TRAF6: variants seen among roughly 807,000 people sequenced by gnomAD.
TRAF6 encodes TNF receptor associated factor 6, also known as TNF receptor-associated factor 6.
Under a neutral mutation model 48.4 loss-of-function variants are expected in TRAF6, and 10 were observed. The ratio of observed to expected loss-of-function variants is 0.21; its 90% confidence interval spans 0.13 to 0.35. The LOEUF is 0.35. Ranked by LOEUF, TRAF6 falls within the 10% of genes least tolerant of loss-of-function variation. The pLI, the probability that TRAF6 is intolerant of heterozygous loss-of-function variation, is 1.00. For missense variants in TRAF6, 397 were observed against 661.0 expected, an observed-to-expected ratio of 0.60 and a Z score of 4.38; for synonymous variants, 186 against 219.6, an observed-to-expected ratio of 0.85 and a Z score of 1.35.
intron 4 of TRAF6, among the ~76,000 whole-genome samples, chr11:36,496,876 T>C (rs567927701): frequency 2.0e-5 from 3 of 152,302 alleles, no homozygotes; most frequent in Admixed American, 2.0e-4. Context: ...TCTACAATAG[T>C]GATAACTAGT....
chr11:36,492,505 T>C, intron 6 of TRAF6, 46 bp downstream of exon 6: 1 of 1,299,254 alleles, frequency 7.7e-7, no homozygotes, highest in South Asian at 1.3e-5. Flanking sequence ...GATGTAAATA[T>C]TTTTTTTTAC....
rs1590642478 is a variant in TRAF6, at chr11:36,501,364, T to C, written c.152A>G (p.Glu51Gly). The C allele has an allele frequency of 1.2e-6, 2 of 1,614,166 alleles. No homozygotes were observed. Among genetic ancestry groups the C allele is most frequent in the Non-Finnish European group, 1.7e-6 (2 of 1,180,038 alleles). ...STGNLSSSFM[E>G]EIQGYDVEFD... ...CTCTACATCATATCCCTGGATCTCC[T>C]CCATAAATGAGCTGGAGAGGTTCCC... Residue 51 changes from glutamate to glycine, a missense_variant, in exon 2 of 7, where the codon GAG becomes GGG. Physicochemically the swap from Glu to Gly is moderately conservative, Grantham distance 98 (BLOSUM62 -2). Coordinates refer to ENST00000526995, the MANE Select transcript of TRAF6 (RefSeq NM_004620.4).
rs60421155 is a variant in TRAF6 at position 36,491,895 on chromosome 11, T to TTA, written c.756+655_756+656insTA. On this transcript the variant is annotated intron_variant, in intron 6 of 6. Coordinates refer to ENST00000526995, the MANE Select transcript of TRAF6 (RefSeq NM_004620.4). ...CCTAGCTGGGTGAAGTCATTATCTG[T>TTA]AATTCAATACATTAAAACAGATTTT... Among the ~76,000 whole-genome samples, 707 of 152,356 alleles carry TTA rather than the reference T, an allele frequency of 4.6e-3. 3 individuals are homozygous for TTA. Among genetic ancestry groups the TTA allele is most frequent in the African/African-American group, 0.015 (644 of 41,580 alleles).
At chr11:36,503,674 T>C (rs1245750278) in intron 1 of TRAF6, among the ~76,000 whole-genome samples, 1 of 152,266 alleles carries the variant, frequency 6.6e-6, no homozygotes, top group East Asian at 1.9e-4. Context: ...GGAAGGTTCA[T>C]ACAGATTGAA....
intron 4 of TRAF6, among the ~76,000 whole-genome samples, chr11:36,495,900 A>T (rs1337437587): frequency 6.6e-6 from 1 of 152,138 alleles, no homozygotes; most frequent in Non-Finnish European, 1.5e-5. Context: ...CTCCAAAAAA[A>T]TAAAGAAAAA....
At chr11:36,496,086 A>G (rs1024455932) in intron 4 of TRAF6, among the ~76,000 whole-genome samples, 4 of 152,222 alleles carry the variant, frequency 2.6e-5, no homozygotes. Flanking sequence ...GTATCTAAGT[A>G]ACAGAATAAA....
rs552722556 is a variant in TRAF6, at chr11:36,498,589, T to C, written c.348A>G (p.Gln116=). Residue 116 remains glutamine (Q), a synonymous_variant, in exon 3 of 7, where the codon CAA becomes CAG. Transcript: ENST00000526995. The part of the protein sequence containing the change: ...PVDNEILLEN[Q]LFPDNFAKRE... ...GTTTTGCAAAATTGTCTGGAAATAGTTGATTTTCCAGCAGTATTTCATTGT... is the reference window on the plus strand; with the variant it reads ...GTTTTGCAAAATTGTCTGGAAATAGCTGATTTTCCAGCAGTATTTCATTGT... 2.3e-5 allele frequency: 37 copies of C among 1,613,618 alleles called. 1 individual carries two copies. The highest frequency in any genetic ancestry group is 8.0e-5 in the African/African-American group (6 of 75,058).
At chr11:36,498,271 T>C (rs1054898386) in intron 3 of TRAF6, among the ~76,000 whole-genome samples, 11 of 152,230 alleles carry the variant, frequency 7.2e-5, no homozygotes, top group African/African-American at 2.7e-4. Flanking sequence ...TTAAAAAAAT[T>C]ACTGCTGGGC....
chr11:36,509,471 A>T (rs1859869148), intron 1 of TRAF6, among the ~76,000 whole-genome samples: 1 of 152,056 alleles, frequency 6.6e-6, no homozygotes, highest in South Asian at 2.1e-4. Flanking sequence ...ATAGAGTTCA[A>T]CAGGGAATCC....
intron 1 of TRAF6, among the ~76,000 whole-genome samples, chr11:36,501,994 A>C (rs1859724018): frequency 6.6e-6 from 1 of 152,222 alleles, no homozygotes; most frequent in East Asian, 1.9e-4. Flanking sequence ...AGCATCGCTA[A>C]AGAACTTATC....
rs187527054 is a variant in TRAF6, at chr11:36,504,263, C to T, written c.-22-2726G>A. Among the ~76,000 whole-genome samples, 111 of 152,310 alleles carry T rather than the reference C, an allele frequency of 7.3e-4. No homozygotes were observed. The South Asian group carries it at 0.016, about 22-fold the overall frequency. ...TGCTGTTTGATAGCATTTTACCCCA[C>T]GAGAACTTCTTTCAAAAATAGCGTT... On this transcript the variant is annotated intron_variant, in intron 1 of 6. Coordinates refer to ENST00000526995, the MANE Select transcript of TRAF6 (RefSeq NM_004620.4).
At chr11:36,509,541 A>T (rs1411474289) in intron 1 of TRAF6, among the ~76,000 whole-genome samples, 2 of 152,258 alleles carry the variant, frequency 1.3e-5, no homozygotes, top group African/African-American at 4.8e-5. Context: ...AGGATTTTTT[A>T]AAAATTTAAG....
rs1204779806 is a variant in TRAF6 at position 36,488,493 on chromosome 11, A to C, written c.*1345T>G. 1 of 152,892 alleles carries C rather than the reference A, an allele frequency of 6.5e-6. No homozygotes were observed. Among genetic ancestry groups the C allele is most frequent in the African/African-American group, 2.4e-5 (1 of 41,442 alleles). The allele number at this position is 152,892 out of a possible 1,614,324, so 9.5% of individuals were successfully genotyped here. On this transcript the variant is annotated 3_prime_UTR_variant, in exon 7 of 7. Coordinates refer to ENST00000526995, the MANE Select transcript of TRAF6 (RefSeq NM_004620.4). ...GGATACAATGTCATCTCTCATTACC[A>C]GACAACTTTAAATGGTGGATGGATC...
chr11:36,507,822 T>A (rs1431196249), intron 1 of TRAF6, among the ~76,000 whole-genome samples: 1 of 145,810 alleles, frequency 6.9e-6, no homozygotes, highest in East Asian at 2.1e-4. Flanking sequence ...CATATATACA[T>A]GTATTTTATA....
chr11:36,508,169 AT>A (rs1859833205), intron 1 of TRAF6, among the ~76,000 whole-genome samples: 1 of 152,070 alleles, frequency 6.6e-6, no homozygotes, highest in Admixed American at 6.6e-5. Context: ...TACAGCCTCT[AT>A]TCTAGTATAC....
intron 5 of TRAF6, 24 bp downstream of exon 5, chr11:36,494,952 A>G (rs562300733): frequency 2.0e-6 from 3 of 1,498,306 alleles, no homozygotes; most frequent in Non-Finnish European, 2.8e-6. Flanking sequence ...TATGAAAATA[A>G]TAATTTATGA....
At chr11:36,501,050 G>A (rs1373718364) in intron 2 of TRAF6, among the ~76,000 whole-genome samples, 170 bp downstream of exon 2, 2 of 152,114 alleles carry the variant, frequency 1.3e-5, no homozygotes, top group African/African-American at 4.8e-5. Context: ...TCACACAACA[G>A]TGGAAACTGG....
rs952306042 is a variant in TRAF6 at position 36,486,607 on chromosome 11, A to T, written c.*3231T>A. ...TATTATTCCATCATTAGAATAAAAAACACCTGCCTTCATTCTGTTTCACTT... is the reference window on the plus strand; with the variant it reads ...TATTATTCCATCATTAGAATAAAAATCACCTGCCTTCATTCTGTTTCACTT... On this transcript the variant is annotated 3_prime_UTR_variant, in exon 7 of 7. Transcript: ENST00000526995. Among the ~76,000 whole-genome samples, 1 of 152,124 alleles carries T rather than the reference A, an allele frequency of 6.6e-6. No homozygotes were observed. The highest frequency in any genetic ancestry group is 2.4e-5 in the African/African-American group (1 of 41,372).
At position 36,490,207 on chromosome 11, in the gene TRAF6, A is replaced by C; in HGVS notation, c.1200T>G (p.Ala400=). The change falls in exon 7 of 7, where the codon GCT becomes GCG. Residue 400 remains alanine (A), a synonymous_variant. Coordinates refer to ENST00000526995, the MANE Select transcript of TRAF6 (RefSeq NM_004620.4). The surrounding 1 kb of genome is among the most constrained non-coding windows in gnomAD (Gnocchi z 6.4). The part of the protein sequence containing the change: ...CMRLHLQLPT[A]QRCANYISLF... ...GGGATATATAGTTTGCACAGCGCTGAGCAGTCGGTAACTGAAGGTGCAAGC... is the reference window on the plus strand; with the variant it reads ...GGGATATATAGTTTGCACAGCGCTGCGCAGTCGGTAACTGAAGGTGCAAGC... The C allele has an allele frequency of 1.2e-6, 2 of 1,614,200 alleles. No homozygotes were observed. The highest frequency in any genetic ancestry group is 1.7e-6 in the Non-Finnish European group (2 of 1,180,038).
Sources: gnomAD v4.1 joint callset for allele counts (sites outside exome capture counted in the v4.1 genomes callset) on GRCh38, gnomAD v4.1.1 for gene constraint, Gnocchi (gnomAD v3.1) non-coding constraint, MANE v1.5 for transcripts, NCBI Gene and HGNC (gene_info 2026-07-23, HGNC 2026-07-21) for gene names.